Variants in PPP1R21 observed in about 807,000 individuals in gnomAD.
The protein encoded by PPP1R21 is KLRAQ motif containing 1.
Under a neutral mutation model 112.8 loss-of-function variants are expected in PPP1R21, and 85 were observed. That is an observed-to-expected ratio of 0.75 (90% CI 0.63 to 0.90). The LOEUF (loss-of-function observed/expected upper bound fraction) is 0.90. PPP1R21 is among the 40% of genes least tolerant of loss of function. The pLI, the probability that PPP1R21 is intolerant of heterozygous loss-of-function variation, is 0.00. For missense variants in PPP1R21, 1,199 were observed against 901.5 expected (o/e 1.33, Z -4.23); for synonymous variants, 381 against 322.3 (o/e 1.18, Z -1.95).
chr2:48,479,433 G>C, intron 12 of PPP1R21: 1 of 470,296 alleles, frequency 2.1e-6, no homozygotes, highest in Non-Finnish European at 4.4e-6. Flanking sequence ...GTTGCCCTTA[G>C]AACCGTCTCC....
At chr2:48,505,531 C>G in intron 17 of PPP1R21, 33 bp from the exon 18 acceptor site, 1 of 1,503,968 alleles carries the variant, frequency 6.6e-7, no homozygotes, top group Non-Finnish European at 9.1e-7. Context: ...TGTACACATT[C>G]TGTTCTAAAA....
intron 7 of PPP1R21, among the ~76,000 whole-genome samples, chr2:48,463,084 T>A (rs1668046682): frequency 6.6e-6 from 1 of 152,230 alleles, no homozygotes; most frequent in Non-Finnish European, 1.5e-5. Flanking sequence ...TGGGTTCATA[T>A]GTATCTATAT....
chr2:48,500,483 G>T (rs1177957219), intron 17 of PPP1R21, among the ~76,000 whole-genome samples: 1 of 151,744 alleles, frequency 6.6e-6, no homozygotes, highest in Non-Finnish European at 1.5e-5. Flanking sequence ...TGGGAGGTAT[G>T]GGGGGAAAAA....
intron 14 of PPP1R21, among the ~76,000 whole-genome samples, chr2:48,490,296 T>G (rs1669505135): frequency 6.6e-6 from 1 of 151,984 alleles, no homozygotes; most frequent in South Asian, 2.1e-4. Context: ...AATTAAGTAT[T>G]TAATGATCCA....
At chr2:48,497,314 G>A (rs1044509921) in intron 16 of PPP1R21, among the ~76,000 whole-genome samples, 8 of 152,196 alleles carry the variant, frequency 5.3e-5, no homozygotes, top group African/African-American at 1.4e-4. Flanking sequence ...GATTGTTAAA[G>A]TGTGAGAACA....
intron 9 of PPP1R21, among the ~76,000 whole-genome samples, chr2:48,468,042 A>G (rs1668281540): frequency 6.6e-6 from 1 of 152,202 alleles, no homozygotes; most frequent in Admixed American, 6.5e-5. Flanking sequence ...TTAGTGCAGC[A>G]AAGACTTGGA....
chr2:48,446,293 C>T (rs970847958), intron 1 of PPP1R21, among the ~76,000 whole-genome samples: 1 of 152,126 alleles, frequency 6.6e-6, no homozygotes, highest in African/African-American at 2.4e-5. Flanking sequence ...GTCAGAGTGG[C>T]ATGAGAGAAG....
intron 13 of PPP1R21, among the ~76,000 whole-genome samples, chr2:48,486,192 C>T (rs1275586036): frequency 1.3e-5 from 2 of 151,948 alleles, no homozygotes; most frequent in Non-Finnish European, 2.9e-5. Context: ...AGCTATAGCC[C>T]AGTAAGGACT....
intron 1 of PPP1R21, among the ~76,000 whole-genome samples, chr2:48,441,897 T>C (rs962343074): frequency 5.3e-5 from 8 of 152,248 alleles, no homozygotes; most frequent in African/African-American, 1.9e-4. Context: ...TAATTCCTTT[T>C]TGCAATTTGG....
intron 15 of PPP1R21, 89 bp downstream of exon 15, chr2:48,491,259 T>C: frequency 7.0e-7 from 1 of 1,420,472 alleles, no homozygotes. Flanking sequence ...GTTTATATTG[T>C]TGACTTTTTA....
Position 48,514,748 on chromosome 2 carries a change from T to A in PPP1R21, c.*4T>A. 1 of 1,612,740 alleles carries A rather than the reference T, an allele frequency of 6.2e-7. No homozygotes were observed. The highest frequency in any genetic ancestry group is 8.5e-7 in the Non-Finnish European group (1 of 1,179,584). On this transcript the variant is annotated 3_prime_UTR_variant, in exon 22 of 22. Coordinates refer to ENST00000294952, the MANE Select transcript of PPP1R21 (RefSeq NM_001135629.3). ...TAAAAAGAACAAGAGTCGATAGTTTTGAAATAGCTGGTTGGCGACTGTTCT... is the reference window on the plus strand; with the variant it reads ...TAAAAAGAACAAGAGTCGATAGTTTAGAAATAGCTGGTTGGCGACTGTTCT...
At position 48,478,740 on chromosome 2, in the gene PPP1R21, C is replaced by T. The variant is rs149469618; in HGVS notation, c.1226-1184C>T. On this transcript the variant is annotated intron_variant, in intron 12 of 21. Transcript: ENST00000294952. ...TCTGTTTCCTGTTCTCTCTGGTAAA[C>T]CAGGCAGCCCACAGTTTAACTTATA... Among the ~76,000 whole-genome samples the T allele has an allele frequency of 7.2e-4, 109 of 152,310 alleles. 1 individual carries two copies. The highest frequency in any genetic ancestry group is 2.5e-3 in the African/African-American group (105 of 41,552).
chr2:48,447,427 C>T (rs1667296830), intron 1 of PPP1R21, among the ~76,000 whole-genome samples: 2 of 152,186 alleles, frequency 1.3e-5, no homozygotes. Flanking sequence ...GAGCTTGGTG[C>T]ACAGCTGTTG....
chr2:48,492,700 C>T (rs1195705715), intron 15 of PPP1R21, among the ~76,000 whole-genome samples: 2 of 152,208 alleles, frequency 1.3e-5, no homozygotes, highest in African/African-American at 4.8e-5. Flanking sequence ...TCAAAATGGG[C>T]ACTCTGAAGG....
chr2:48,514,815 C>T lies in PPP1R21; in HGVS notation c.*71C>T. The T allele has an allele frequency of 1.3e-6, 2 of 1,523,204 alleles. No homozygotes were observed. The highest frequency in any genetic ancestry group is 1.8e-6 in the Non-Finnish European group (2 of 1,105,382). The allele number at this position is 1,523,204 out of a possible 1,614,324, so 94.4% of individuals were successfully genotyped here. On this transcript the variant is annotated 3_prime_UTR_variant, in exon 22 of 22. Coordinates refer to ENST00000294952, the MANE Select transcript of PPP1R21 (RefSeq NM_001135629.3). Reference sequence around the variant, plus strand: ...GCTGCACAGAGCCGCAGGGCTGAGACCACGTCCATGCTGGCTGCCTTCAGG... The same window carrying T: ...GCTGCACAGAGCCGCAGGGCTGAGATCACGTCCATGCTGGCTGCCTTCAGG...
Position 48,444,197 on chromosome 2 carries a change from T to C in PPP1R21, c.57+3187T>C, listed in dbSNP as rs560056915. Among the ~76,000 whole-genome samples, 6 of 152,174 alleles carry C rather than the reference T, an allele frequency of 3.9e-5. No homozygotes were observed. The South Asian group carries it at 1.2e-3, about 31-fold the overall frequency. ...AGTGTTATGGAAAGGTTAGTAAAAA[T>C]GGAGATTAAGACCCAGTGGTTTGGG... On this transcript the variant is annotated intron_variant, in intron 1 of 21. Coordinates refer to ENST00000294952, the MANE Select transcript of PPP1R21 (RefSeq NM_001135629.3).
chr2:48,507,475 G>T, intron 19 of PPP1R21, 90 bp downstream of exon 19: 1 of 1,519,724 alleles, frequency 6.6e-7, no homozygotes. Flanking sequence ...TTCACTGTAA[G>T]AGAGAAGTCA....
Position 48,480,179 on chromosome 2 carries a change from C to A in PPP1R21, c.1318+163C>A, listed in dbSNP as rs1668948686. Among the ~76,000 whole-genome samples, 3 of 152,170 alleles carry A rather than the reference C, an allele frequency of 2.0e-5. No homozygotes were observed. The South Asian group carries it at 6.2e-4, about 32-fold the overall frequency. On this transcript the variant is annotated intron_variant, in intron 13 of 21. Transcript: ENST00000294952. Reference sequence around the variant, plus strand: ...CACAGCTCACTGCCTTCTGCTTTTCCCATCTGTTTTATTTCTGGAGGTAAA... The same window carrying A: ...CACAGCTCACTGCCTTCTGCTTTTCACATCTGTTTTATTTCTGGAGGTAAA...
chr2:48,469,096 T>C (rs1172880701), intron 9 of PPP1R21, among the ~76,000 whole-genome samples: 1 of 151,558 alleles, frequency 6.6e-6, no homozygotes, highest in African/African-American at 2.4e-5. Context: ...CTGTCAGATC[T>C]TGTGAGACTT....
Sources: gnomAD v4.1 joint callset for allele counts (sites outside exome capture counted in the v4.1 genomes callset) on GRCh38, gnomAD v4.1.1 for gene constraint, MANE v1.5 for transcripts, NCBI Gene and HGNC (gene_info 2026-07-23, HGNC 2026-07-21) for gene names.